The following SCHIP1 variants were observed in gnomAD, a reference collection of about 807,000 sequenced individuals.
SCHIP1 encodes schwannomin-interacting protein 1.
A neutral mutation model predicts 29.7 loss-of-function variants in SCHIP1; 8 were observed. The ratio of observed to expected loss-of-function variants is 0.27; its 90% CI spans 0.16 to 0.49. The LOEUF (loss-of-function observed/expected upper bound fraction) is 0.49, where lower values mean the gene tolerates loss of function less well. Ranked by LOEUF, SCHIP1 falls within the 20% of genes least tolerant of loss-of-function variation. The pLI, the probability that SCHIP1 is intolerant of heterozygous loss-of-function variation, is 0.99. For missense variants in SCHIP1, 193 were observed against 294.6 expected (o/e 0.66, Z 2.52); for synonymous variants, 76 against 94.9 (o/e 0.80, Z 1.16).
the SCHIP1 span, chr3:159,387,436 G>C: frequency 3.6e-6 from 1 of 276,624 alleles, no homozygotes; most frequent in Non-Finnish European, 7.2e-6. Context: ...CCTCTGTCTT[G>C]CTTCTGTGAG....
the SCHIP1 span, among the ~76,000 whole-genome samples, chr3:159,783,393 GAA>G: frequency 1.3e-5 from 2 of 152,298 alleles, no homozygotes; most frequent in Non-Finnish European, 2.9e-5. Flanking sequence ...AGGGAGTTTG[GAA>G]AGTTTCATGG....
At chr3:159,806,472 G>A in the SCHIP1 span, among the ~76,000 whole-genome samples, 567 of 152,326 alleles carry the variant, frequency 3.7e-3, 2 homozygotes, top group African/African-American at 0.013. Context: ...ATAGGTTTTT[G>A]TTTTGTTTTG....
chr3:159,637,239 A>G, the SCHIP1 span, among the ~76,000 whole-genome samples: 1 of 152,192 alleles, frequency 6.6e-6, no homozygotes, highest in South Asian at 2.1e-4. Context: ...GACTATCACC[A>G]CACTGAAAAT....
At chr3:159,719,090 C>A in the SCHIP1 span, among the ~76,000 whole-genome samples, 1 of 152,154 alleles carries the variant, frequency 6.6e-6, no homozygotes, top group Non-Finnish European at 1.5e-5. Context: ...ACATCTACAA[C>A]CATCCCATCT....
At chr3:159,345,226 C>CAAA in the SCHIP1 span, among the ~76,000 whole-genome samples, 18 of 117,236 alleles carry the variant, frequency 1.5e-4, no homozygotes, top group African/African-American at 2.3e-4. Flanking sequence ...GACTCTGTCT[C>CAAA]AAAAAAAAAA....
chr3:159,612,567 C>T, the SCHIP1 span, among the ~76,000 whole-genome samples: 3 of 152,114 alleles, frequency 2.0e-5, no homozygotes, highest in Non-Finnish European at 2.9e-5. Flanking sequence ...GCCAACATGG[C>T]GAAACTCCGT....
chr3:159,544,188 CGT>C, the SCHIP1 span, among the ~76,000 whole-genome samples: 4 of 151,702 alleles, frequency 2.6e-5, no homozygotes, highest in African/African-American at 4.8e-5. Context: ...ATATAAAATA[CGT>C]GTGTATGTGT....
chr3:159,502,489 T>A, the SCHIP1 span, among the ~76,000 whole-genome samples: 2 of 152,172 alleles, frequency 1.3e-5, no homozygotes, highest in African/African-American at 2.4e-5. Flanking sequence ...TTTTTAAAAA[T>A]TTTATTATTA....
the SCHIP1 span, among the ~76,000 whole-genome samples, chr3:159,761,896 G>C: frequency 2.6e-5 from 4 of 152,154 alleles, no homozygotes; most frequent in Non-Finnish European, 5.9e-5. Context: ...GTGGGTGGCT[G>C]AGGAGGTCCT....
exon 4 of SCHIP1, chr3:159,887,855 C>A: frequency 6.2e-7 from 1 of 1,613,970 alleles, no homozygotes; most frequent in Non-Finnish European, 8.5e-7. Context: ...GGCCAAAATG[C>A]AAGTAGAAGT....
At chr3:159,313,217 T>C in the SCHIP1 span, among the ~76,000 whole-genome samples, 3 of 152,136 alleles carry the variant, frequency 2.0e-5, no homozygotes, top group Non-Finnish European at 2.9e-5. Flanking sequence ...TCTAGAAGAG[T>C]TGAGGAAATT....
At chr3:159,684,802 G>GC in the SCHIP1 span, among the ~76,000 whole-genome samples, 1 of 114,758 alleles carries the variant, frequency 8.7e-6, no homozygotes, top group Non-Finnish European at 1.7e-5. Flanking sequence ...AGACTCTGTT[G>GC]CAAAAAAAAA....
the SCHIP1 span, among the ~76,000 whole-genome samples, chr3:159,545,786 C>T: frequency 6.7e-6 from 1 of 150,066 alleles, no homozygotes; most frequent in African/African-American, 2.4e-5. Flanking sequence ...AGTCCTGTCC[C>T]TCTGTTGGTT....
At chr3:159,796,983 T>G in the SCHIP1 span, among the ~76,000 whole-genome samples, 1 of 152,244 alleles carries the variant, frequency 6.6e-6, no homozygotes, top group African/African-American at 2.4e-5. Context: ...TTTTCTGTTA[T>G]GTTTGGTCTT....
chr3:159,871,597 G>A (rs1392095886), intron 2 of SCHIP1, among the ~76,000 whole-genome samples: 2 of 152,142 alleles, frequency 1.3e-5, no homozygotes, highest in Non-Finnish European at 2.9e-5. Flanking sequence ...CTTTCATTGG[G>A]ATGCATCTAA....
chr3:159,337,956 G>C, the SCHIP1 span, among the ~76,000 whole-genome samples: 1 of 152,130 alleles, frequency 6.6e-6, no homozygotes, highest in East Asian at 1.9e-4. Flanking sequence ...AAATGTCAAA[G>C]AACACTCAAT....
the SCHIP1 span, among the ~76,000 whole-genome samples, chr3:159,341,908 A>G: frequency 2.6e-5 from 4 of 152,174 alleles, no homozygotes; most frequent in Non-Finnish European, 5.9e-5. Flanking sequence ...ATTTATATAA[A>G]CACTATGTCA....
At chr3:159,274,996 G>A in the SCHIP1 span, 8 of 982,516 alleles carry the variant, frequency 8.1e-6, no homozygotes, top group East Asian at 1.1e-4. Flanking sequence ...GTGAATTACT[G>A]TTGCTTCTTA....
chr3:159,394,909 C>A, the SCHIP1 span, among the ~76,000 whole-genome samples: 1 of 152,098 alleles, frequency 6.6e-6, no homozygotes, highest in South Asian at 2.1e-4. Flanking sequence ...CCTCCTTGTA[C>A]CTCTGGTAGA....
Sources: gnomAD v4.1 joint callset for allele counts (sites outside exome capture counted in the v4.1 genomes callset) on GRCh38, gnomAD v4.1.1 for gene constraint, MANE v1.5 for transcripts, NCBI Gene and HGNC (gene_info 2026-07-23, HGNC 2026-07-21) for gene names.